KLF12: variants seen among roughly 807,000 people sequenced by gnomAD.
KLF12 encodes KLF transcription factor 12, also known as Krueppel-like factor 12.
KLF12 carries 9 observed loss-of-function variants against 37.8 expected under a neutral mutation model. The observed-to-expected ratio is 0.24, with a 90% confidence interval of 0.14 to 0.42. The LOEUF is 0.42. Among genes scored for constraint, KLF12 ranks in the 10% least tolerant of loss-of-function variants. The probability of loss-of-function intolerance (pLI) is 1.00; values close to 1 mark genes in which losing one functional copy is unlikely to be tolerated. For missense variants in KLF12, 411 were observed against 516.0 expected, an observed-to-expected ratio of 0.80 and a Z score of 1.97; for synonymous variants, 208 against 202.1, an observed-to-expected ratio of 1.03 and a Z score of -0.25.
At chr13:74,282,937 C>T in the KLF12 span, among the ~76,000 whole-genome samples, 1 of 152,240 alleles carries the variant, frequency 6.6e-6, no homozygotes, top group African/African-American at 2.4e-5. Flanking sequence ...TTTCTCTATG[C>T]TCATATTTTG....
At chr13:73,989,499 G>T (rs1165606999) in intron 2 of KLF12, among the ~76,000 whole-genome samples, 2 of 152,210 alleles carry the variant, frequency 1.3e-5, no homozygotes, top group Non-Finnish European at 2.9e-5. Context: ...TCATGAAGGG[G>T]TTCATGCGCT....
intron 1 of KLF12, among the ~76,000 whole-genome samples, chr13:74,042,190 G>A (rs1893421519): frequency 6.6e-6 from 1 of 151,698 alleles, no homozygotes; most frequent in Non-Finnish European, 1.5e-5. Context: ...TGTAATCCCA[G>A]CTACTCAGGA....
chr13:74,146,396 T>C, the KLF12 span, among the ~76,000 whole-genome samples: 1 of 152,172 alleles, frequency 6.6e-6, no homozygotes, highest in African/African-American at 2.4e-5. Context: ...ATGATTTTAT[T>C]ACTATTATTA....
intron 1 of KLF12, among the ~76,000 whole-genome samples, chr13:74,037,778 G>A (rs1306298683): frequency 2.0e-5 from 3 of 152,170 alleles, no homozygotes; most frequent in African/African-American, 4.8e-5. Context: ...AACTGATCAT[G>A]GATGAGGGAT....
chr13:73,840,303 T>G (rs1267825723), intron 4 of KLF12, among the ~76,000 whole-genome samples: 3 of 152,098 alleles, frequency 2.0e-5, no homozygotes, highest in African/African-American at 7.2e-5. Flanking sequence ...CTCACAATGC[T>G]CAGGTGTCCA....
At chr13:74,130,430 A>C (rs1004881628) in intron 1 of KLF12, among the ~76,000 whole-genome samples, 3 of 152,192 alleles carry the variant, frequency 2.0e-5, no homozygotes, top group African/African-American at 7.2e-5. Context: ...GCACTTTGGC[A>C]GGAGGTTTGC....
In KLF12 at chr13:74,081,875, C is replaced by A. The variant is rs78598353; in HGVS notation, c.-32+51864G>T. Among the ~76,000 whole-genome samples, 191 of 152,222 alleles carry A rather than the reference C, an allele frequency of 1.3e-3. 1 individual carries two copies. The East Asian group carries it at 0.032, about 25-fold the overall frequency. ...GTAGACAACTATAGTGTCTCATGTT[C>A]CAGCCCCCTCAAACAATGGGTTGGT... On this transcript the variant is annotated intron_variant, in intron 1 of 7. Coordinates refer to ENST00000377669, the MANE Select transcript of KLF12 (RefSeq NM_007249.5).
chr13:73,954,782 T>C (rs1890777037), intron 2 of KLF12, among the ~76,000 whole-genome samples: 1 of 152,244 alleles, frequency 6.6e-6, no homozygotes, highest in Non-Finnish European at 1.5e-5. Flanking sequence ...CAAGTTAAGA[T>C]TTTTCCAGAT....
chr13:73,842,518 A>G (rs1884791400), intron 4 of KLF12, among the ~76,000 whole-genome samples: 1 of 152,238 alleles, frequency 6.6e-6, no homozygotes, highest in Admixed American at 6.5e-5. Context: ...AGCTGAAAGG[A>G]CAAATGGTTC....
chr13:74,230,253 C>T, the KLF12 span, among the ~76,000 whole-genome samples: 1 of 152,138 alleles, frequency 6.6e-6, no homozygotes, highest in South Asian at 2.1e-4. Flanking sequence ...CATTCTTCTC[C>T]TTCCTGCTGC....
chr13:74,270,776 C>A, the KLF12 span, among the ~76,000 whole-genome samples: 1 of 152,142 alleles, frequency 6.6e-6, no homozygotes, highest in Admixed American at 6.6e-5. Context: ...GGGCTGGTAT[C>A]TGAAGTCAGG....
intron 5 of KLF12, among the ~76,000 whole-genome samples, chr13:73,772,993 T>C (rs1880366064): frequency 6.6e-6 from 1 of 152,174 alleles, no homozygotes; most frequent in African/African-American, 2.4e-5. Context: ...AATTTTTGGA[T>C]GACATCCAGG....
At chr13:73,796,915 T>C (rs1432752002) in intron 5 of KLF12, among the ~76,000 whole-genome samples, 1 of 151,998 alleles carries the variant, frequency 6.6e-6, no homozygotes, top group East Asian at 1.9e-4. Context: ...CATTATGCAA[T>C]GAAAGAAGGC....
intron 5 of KLF12, among the ~76,000 whole-genome samples, chr13:73,797,259 T>C (rs1226089977): frequency 1.3e-5 from 2 of 152,188 alleles, no homozygotes; most frequent in Admixed American, 1.3e-4. Context: ...GATCTCCAAA[T>C]ACCAACAGAA....
chr13:73,703,103 C>T (rs1304541344), intron 7 of KLF12, among the ~76,000 whole-genome samples: 1 of 152,122 alleles, frequency 6.6e-6, no homozygotes, highest in Non-Finnish European at 1.5e-5. Flanking sequence ...GAAAGCTTCC[C>T]AGTTTGAAAG....
the KLF12 span, among the ~76,000 whole-genome samples, chr13:74,211,078 A>G: frequency 6.6e-6 from 1 of 152,066 alleles, no homozygotes; most frequent in Non-Finnish European, 1.5e-5. Context: ...TCTTCCACCC[A>G]CATTATTATT....
the KLF12 span, among the ~76,000 whole-genome samples, chr13:74,192,358 C>A: frequency 6.6e-6 from 1 of 152,166 alleles, no homozygotes; most frequent in African/African-American, 2.4e-5. Context: ...GCAATTTGAA[C>A]TAGTCTAGGA....
At chr13:74,105,566 A>G (rs1436431281) in intron 1 of KLF12, among the ~76,000 whole-genome samples, 1 of 152,128 alleles carries the variant, frequency 6.6e-6, no homozygotes, top group Admixed American at 6.6e-5. Flanking sequence ...AGACGGGTAG[A>G]GAAGAGGGGA....
At chr13:73,701,261 TC>T (rs1237151170) in intron 7 of KLF12, among the ~76,000 whole-genome samples, 1 of 152,242 alleles carries the variant, frequency 6.6e-6, no homozygotes, top group Admixed American at 6.5e-5. Context: ...AAACTTGATT[TC>T]TATTAATTTC....
Sources: allele counts gnomAD v4.1 joint callset (sites outside exome capture counted in the v4.1 genomes callset), GRCh38; gene constraint gnomAD v4.1.1; transcripts MANE v1.5; gene names NCBI Gene and HGNC (gene_info 2026-07-23, HGNC 2026-07-21).